The following EPB41L2 variants were observed in gnomAD, a reference collection of about 807,000 sequenced individuals.
The protein encoded by EPB41L2 is erythrocyte membrane protein band 4.1 like 2, also known as band 4.1-like protein 2.
In EPB41L2, 43 loss-of-function variants were observed where a neutral mutation model predicts 113.0. The observed-to-expected ratio is 0.38, with a 90% CI of 0.30 to 0.49. The LOEUF is 0.49. EPB41L2 is among the 20% of genes least tolerant of loss of function. EPB41L2 has a pLI of 0.95. For synonymous variants in EPB41L2, 442 were observed against 436.7 expected (o/e 1.01, Z -0.15); for missense variants, 1,147 against 1,223.4 (o/e 0.94, Z 0.93).
At chr6:131,016,756 G>A (rs1788316886) in intron 1 of EPB41L2, among the ~76,000 whole-genome samples, 1 of 151,826 alleles carries the variant, frequency 6.6e-6, no homozygotes, top group Admixed American at 6.6e-5. Context: ...GTTGCAGTGA[G>A]CTGAGATCAT....
intron 4 of EPB41L2, among the ~76,000 whole-genome samples, chr6:130,915,004 AAGT>A (rs2128524305): frequency 6.6e-6 from 1 of 152,338 alleles, no homozygotes; most frequent in South Asian, 2.1e-4. Context: ...TTAGAATATC[AAGT>A]ATTGTTAAAT....
chr6:130,968,695 G>T lies in EPB41L2; in HGVS notation c.-14-12196C>A, dbSNP rs1775962861. On this transcript the variant is annotated intron_variant, in intron 1 of 19. Coordinates refer to ENST00000337057, the MANE Select transcript of EPB41L2 (RefSeq NM_001431.4). The stretch of plus-strand genomic sequence containing the variant: ...GGCGGGAAAAGCTGTAACTACAATG[G>T]AATTACAGACATGCCATTTGGAGTG... 2.6e-5 allele frequency among the ~76,000 whole-genome samples: 4 copies of T among 151,378 alleles called. No homozygotes were observed. The South Asian group carries it at 8.3e-4, about 31-fold the overall frequency.
At chr6:131,015,662 A>G (rs1788024051) in intron 1 of EPB41L2, among the ~76,000 whole-genome samples, 1 of 152,260 alleles carries the variant, frequency 6.6e-6, no homozygotes, top group Non-Finnish European at 1.5e-5. Flanking sequence ...AAAAAACAAA[A>G]GAGATGAAAA....
intron 1 of EPB41L2, among the ~76,000 whole-genome samples, chr6:131,020,189 T>A (rs890820490): frequency 1.3e-5 from 2 of 152,168 alleles, no homozygotes; most frequent in African/African-American, 4.8e-5. Context: ...CTTTATTGGG[T>A]GATTTGCCTT....
intron 1 of EPB41L2, among the ~76,000 whole-genome samples, chr6:130,998,062 G>A (rs1021767193): frequency 2.0e-5 from 3 of 152,172 alleles, no homozygotes; most frequent in East Asian, 3.8e-4. Flanking sequence ...AGCAATCTAT[G>A]TGTATCATTT....
intron 12 of EPB41L2, 72 bp downstream of exon 12, chr6:130,885,024 A>G: frequency 2.0e-6 from 3 of 1,523,356 alleles, no homozygotes; most frequent in Admixed American, 3.8e-5. Flanking sequence ...GATTTCTGAA[A>G]CAGAAAATAC....
At chr6:131,038,201 C>A (rs1793745755) in intron 1 of EPB41L2, among the ~76,000 whole-genome samples, 2 of 151,994 alleles carry the variant, frequency 1.3e-5, no homozygotes, top group South Asian at 2.1e-4. Context: ...CATAGTTATT[C>A]CCTATTCAAT....
At chr6:131,033,867 T>C (rs772667063) in intron 1 of EPB41L2, among the ~76,000 whole-genome samples, 10 of 152,252 alleles carry the variant, frequency 6.6e-5, no homozygotes, top group African/African-American at 9.6e-5. Flanking sequence ...ACAGTGGTGA[T>C]GGTTGCACAG....
intron 16 of EPB41L2, 174 bp from the exon 17 acceptor site, chr6:130,865,808 GGCTAGGT>G (rs1783566193): frequency 1.7e-6 from 1 of 600,084 alleles, no homozygotes; most frequent in African/African-American, 1.9e-5. Flanking sequence ...AGAGGCAAAA[GGCTAGGT>G]GCACATGGAG....
At chr6:131,048,138 C>CAA (rs200522047) in intron 1 of EPB41L2, among the ~76,000 whole-genome samples, 4,661 of 52,846 alleles carry the variant, frequency 0.088, 449 homozygotes, top group African/African-American at 0.24. Context: ...GACTCTGTCT[C>CAA]AAAAAAAAAA....
At chr6:130,874,598 G>T (rs548504547) in intron 14 of EPB41L2, among the ~76,000 whole-genome samples, 1 of 152,072 alleles carries the variant, frequency 6.6e-6, no homozygotes, top group Non-Finnish European at 1.5e-5. Flanking sequence ...TTGGGCAAAC[G>T]GATGAATGGA....
intron 18 of EPB41L2, 33 bp downstream of exon 18, chr6:130,863,605 G>T (rs1226831573): frequency 6.9e-7 from 1 of 1,442,090 alleles, no homozygotes; most frequent in Non-Finnish European, 9.8e-7. Flanking sequence ...AACAAACAGG[G>T]CCATTTCCAA....
chr6:131,045,792 G>A (rs994640553), intron 1 of EPB41L2, among the ~76,000 whole-genome samples: 2 of 151,930 alleles, frequency 1.3e-5, no homozygotes, highest in African/African-American at 4.8e-5. Context: ...AAAAATCACT[G>A]GCAAAAATAT....
intron 4 of EPB41L2, among the ~76,000 whole-genome samples, chr6:130,910,529 G>A (rs1448020563): frequency 6.6e-6 from 1 of 152,194 alleles, no homozygotes; most frequent in African/African-American, 2.4e-5. Flanking sequence ...TGACAAATGA[G>A]ATCTAATTAA....
intron 8 of EPB41L2, among the ~76,000 whole-genome samples, chr6:130,898,337 G>A (rs371041352): frequency 4.6e-5 from 7 of 152,126 alleles, no homozygotes; most frequent in East Asian, 1.9e-4. Flanking sequence ...GAGGCCTAGG[G>A]AGGAAAGACA....
intron 3 of EPB41L2, among the ~76,000 whole-genome samples, chr6:130,935,578 A>C (rs1314028858): frequency 6.6e-6 from 1 of 152,232 alleles, no homozygotes; most frequent in East Asian, 1.9e-4. Flanking sequence ...CAACATTATT[A>C]ACACAAAAAA....
Position 130,895,104 on chromosome 6 carries a change from C to T in EPB41L2, c.1252G>A (p.Asp418Asn), listed in dbSNP as rs1447403566. 1 of 1,610,558 alleles carries T rather than the reference C, an allele frequency of 6.2e-7. No individual in the cohort carries two copies. The highest frequency in any genetic ancestry group is 2.2e-5 in the East Asian group (1 of 44,750). Residue 418 changes from aspartate (D) to asparagine (N), a missense_variant, in exon 9 of 20, where the codon GAC (aspartate) becomes AAC (asparagine). By Grantham distance (23) the Asp-to-Asn change is conservative (BLOSUM62 1). Coordinates refer to ENST00000337057, the MANE Select transcript of EPB41L2 (RefSeq NM_001431.4). ...LHHAKDSEGV[D>N]IKLGVCANGL... ...TTAGCACACACGCCCAGCTTGATGT[C>T]CACACCTTCTGAGTCCTGCCAAGCA...
chr6:130,894,926 A>G, intron 9 of EPB41L2, 41 bp downstream of exon 9: 1 of 1,565,872 alleles, frequency 6.4e-7, no homozygotes, highest in South Asian at 1.2e-5. Flanking sequence ...GGTCGTAAAC[A>G]GGCCGACTAA....
chr6:130,896,687 T>C (rs551905702), intron 8 of EPB41L2, among the ~76,000 whole-genome samples: 4 of 152,314 alleles, frequency 2.6e-5, no homozygotes, highest in Non-Finnish European at 5.9e-5. Flanking sequence ...AAACGACAGA[T>C]GAAGGGTAGG....
Sources: gnomAD v4.1 joint callset for allele counts (sites outside exome capture counted in the v4.1 genomes callset) on GRCh38, gnomAD v4.1.1 for gene constraint, MANE v1.5 for transcripts, NCBI Gene and HGNC (gene_info 2026-07-23, HGNC 2026-07-21) for gene names.